GGNBP2: variants seen among roughly 807,000 people sequenced by gnomAD.
The protein encoded by GGNBP2 is gametogenetin binding protein 2.
A neutral mutation model predicts 85.9 loss-of-function variants in GGNBP2; 10 were observed. The observed-to-expected ratio is 0.12, with a 90% confidence interval of 0.07 to 0.20. The LOEUF is 0.20. Ranked by LOEUF, GGNBP2 falls within the 10% of genes least tolerant of loss-of-function variation. The pLI is 1.00. For synonymous variants in GGNBP2, 287 were observed against 285.7 expected (o/e 1.00, Z -0.05); for missense variants, 595 against 857.8 (o/e 0.69, Z 3.83).
chr17:36,545,203 C>T, intron 1 of GGNBP2, 106 bp downstream of exon 1: 1 of 154,114 alleles, frequency 6.5e-6, no homozygotes, highest in Non-Finnish European at 1.4e-5. Flanking sequence ...AGTCCTGGGG[C>T]CGACTGGGCG....
Position 36,581,491 on chromosome 17 carries a change from C to T in GGNBP2, c.1168C>T (p.Pro390Ser). The change falls in exon 9 of 14, where the codon CCT (proline) becomes TCT (serine). Residue 390 changes from proline to serine, a missense_variant. Physicochemically the swap from Pro to Ser is moderately conservative, Grantham distance 74 (BLOSUM62 -1). This residue lies in a region of GGNBP2 where 85 missense variants were observed against 92.6 expected (regional missense o/e 0.92). Transcript: ENST00000613102. ...AAAAAATAAGTGTGTGTGTGATATT[C>T]CTACTCCCTTACAAACAGCAGATGA... Reference protein sequence around the residue: ...RRKNKCVCDIPTPLQTADEKE... With the variant: ...RRKNKCVCDISTPLQTADEKE... 6.2e-7 allele frequency: 1 copy of T among 1,611,524 alleles called. No individual in the cohort carries two copies. The highest frequency in any genetic ancestry group is 8.5e-7 in the Non-Finnish European group (1 of 1,179,186).
chr17:36,569,528 T>C (rs1238383055), intron 6 of GGNBP2, among the ~76,000 whole-genome samples: 1 of 152,242 alleles, frequency 6.6e-6, no homozygotes, highest in South Asian at 2.1e-4. Context: ...GAGGCAGATA[T>C]ACACAATTAT....
intron 2 of GGNBP2, chr17:36,546,201 T>C (rs1274243588): frequency 7.8e-6 from 3 of 383,486 alleles, no homozygotes; most frequent in Non-Finnish European, 1.4e-5. Flanking sequence ...TACCTGGTAA[T>C]GTCGCAGCTG....
intron 2 of GGNBP2, among the ~76,000 whole-genome samples, chr17:36,549,776 T>G (rs944426276): frequency 1.3e-5 from 2 of 152,226 alleles, no homozygotes; most frequent in Non-Finnish European, 2.9e-5. Flanking sequence ...ACATGGAGGT[T>G]GTTCTAGTTT....
At chr17:36,580,812 G>C (rs954448688) in intron 8 of GGNBP2, among the ~76,000 whole-genome samples, 3 of 151,940 alleles carry the variant, frequency 2.0e-5, no homozygotes, top group African/African-American at 7.2e-5. Flanking sequence ...TCAGCTACTT[G>C]AGAGGCTGAG....
rs139100369 is a variant in GGNBP2 at position 36,579,322 on chromosome 17, A to G, written c.923A>G (p.Glu308Gly). 14 of 1,614,080 alleles carry G rather than the reference A, an allele frequency of 8.7e-6. No homozygotes were observed. In the African/African-American group the frequency reaches 1.6e-4, roughly 18 times the overall value. ...VLTCLGIHLY[E>G]RLHRIWQKLR... ...ACCTGCTTGGGAATTCATCTTTATG[A>G]AAGACTGCATCGAATCTGGCAGAAG... is the stretch of plus-strand genomic sequence containing the variant. Residue 308 changes from glutamate to glycine, a missense_variant, in exon 8 of 14, where the codon GAA becomes GGA. By Grantham distance (98) the Glu-to-Gly change is moderately conservative. Coordinates refer to ENST00000613102, the MANE Select transcript of GGNBP2 (RefSeq NM_024835.5).
chr17:36,545,950 C>T, intron 2 of GGNBP2, 133 bp downstream of exon 2: 1 of 638,122 alleles, frequency 1.6e-6, no homozygotes, highest in Non-Finnish European at 2.7e-6. Flanking sequence ...TTCTCTTCAG[C>T]AGGCCCCACA....
At position 36,556,751 on chromosome 17, in the gene GGNBP2, C is replaced by CTTTTT. The variant is rs10544073; in HGVS notation, c.175-307_175-303dup. Among the ~76,000 whole-genome samples the CTTTTT allele has an allele frequency of 7.0e-4, 37 of 52,850 alleles. 3 individuals carry two copies. The highest frequency in any genetic ancestry group is 1.4e-3 in the African/African-American group (23 of 15,878). The allele number at this position is 52,850 out of a possible 152,430, so 34.7% of individuals were successfully genotyped here. ...AAAAAAAAGGTACAGCTGTATTGTG[C>CTTTTT]TTTTTTTTTTTTTTTTTTTTTTTTT... On this transcript the variant is annotated intron_variant, in intron 3 of 13. Transcript: ENST00000613102.
intron 1 of GGNBP2, chr17:36,545,366 C>T (rs914426478): frequency 8.0e-6 from 2 of 249,414 alleles, no homozygotes; most frequent in East Asian, 7.0e-5. Flanking sequence ...GCAGGCCGGT[C>T]CCTTCCGCCT....
chr17:36,585,786 T>G, intron 10 of GGNBP2, 54 bp from the exon 11 acceptor site: 1 of 1,512,720 alleles, frequency 6.6e-7, no homozygotes, highest in Non-Finnish European at 9.1e-7. Context: ...TCACTCTTTG[T>G]CCTAATATAC....
chr17:36,567,821 G>A, intron 6 of GGNBP2, 45 bp downstream of exon 6: 1 of 1,005,222 alleles, frequency 9.9e-7, no homozygotes, highest in East Asian at 2.4e-5. Context: ...GGTGCCTTAT[G>A]TGTCAGTCAC....
intron 5 of GGNBP2, among the ~76,000 whole-genome samples, chr17:36,561,580 ATAT>A (rs1481817117): frequency 2.0e-5 from 3 of 152,182 alleles, no homozygotes; most frequent in Non-Finnish European, 4.4e-5. Flanking sequence ...AGTTATGACG[ATAT>A]TATGACAATA....
chr17:36,588,297 G>C (rs1287395423), intron 13 of GGNBP2, among the ~76,000 whole-genome samples: 1 of 151,968 alleles, frequency 6.6e-6, no homozygotes, highest in Non-Finnish European at 1.5e-5. Flanking sequence ...TTGCTCTGTT[G>C]CCCAGGCTGG....
chr17:36,559,356 C>T (rs955670200), intron 4 of GGNBP2, among the ~76,000 whole-genome samples: 5 of 145,748 alleles, frequency 3.4e-5, no homozygotes, highest in African/African-American at 7.7e-5. Flanking sequence ...CCGAGAGGGA[C>T]GAGACTGAGG....
At chr17:36,575,396 G>A (rs1001933668) in intron 6 of GGNBP2, 5 of 272,758 alleles carry the variant, frequency 1.8e-5, no homozygotes, top group African/African-American at 9.0e-5. Flanking sequence ...TCATAGCCAG[G>A]AAATCATCAC....
intron 12 of GGNBP2, 106 bp from the exon 13 acceptor site, chr17:36,586,891 T>C (rs2074706943): frequency 7.1e-6 from 8 of 1,134,170 alleles, no homozygotes; most frequent in Non-Finnish European, 9.8e-6. Flanking sequence ...AATGTTGAGA[T>C]TGTAGGCATG....
rs199505333 is a variant in GGNBP2, at chr17:36,545,447, A to AG, written c.-106-166dup. On this transcript the variant is annotated intron_variant, in intron 1 of 13. Transcript: ENST00000613102. Reference sequence around the variant, plus strand: ...GGAGAGAGGGAGGGAGCGCGGCGCGAGGGGGGCGGGTCCCGGCGGCGCTGG... The same window carrying AG: ...GGAGAGAGGGAGGGAGCGCGGCGCGAGGGGGGGCGGGTCCCGGCGGCGCTGG... 419 of 380,538 alleles carry AG rather than the reference A, an allele frequency of 1.1e-3. 2 individuals are homozygous for AG. Among genetic ancestry groups the AG allele is most frequent in the South Asian group, 0.01 (137 of 13,154 alleles). 23.6% of individuals were successfully genotyped at this position (380,538 alleles called of 1,614,324 possible).
intron 2 of GGNBP2, 30 bp downstream of exon 2, chr17:36,545,847 C>G (rs1199444078): frequency 1.1e-5 from 16 of 1,474,858 alleles, no homozygotes; most frequent in African/African-American, 1.4e-5. Flanking sequence ...CTGGGCCCGC[C>G]GCTCCCCTGG....
intron 8 of GGNBP2, among the ~76,000 whole-genome samples, chr17:36,579,735 G>T (rs2074626998): frequency 1.3e-5 from 2 of 152,232 alleles, no homozygotes; most frequent in African/African-American, 4.8e-5. Context: ...GTGAGGCTGG[G>T]CATGGTGGCT....
Sources: allele counts gnomAD v4.1 joint callset (sites outside exome capture counted in the v4.1 genomes callset), GRCh38; gene constraint gnomAD v4.1.1; regional missense constraint gnomAD v4.1.1; transcripts MANE v1.5; gene names NCBI Gene and HGNC (gene_info 2026-07-23, HGNC 2026-07-21).